The following PPP4R3A variants were observed in gnomAD, a reference collection of about 807,000 sequenced individuals.
PPP4R3A encodes the protein serine/threonine-protein phosphatase 4 regulatory subunit 3A.
PPP4R3A carries 15 observed loss-of-function variants against 91.7 expected under a neutral mutation model. That is an observed-to-expected ratio of 0.16 (90% confidence interval 0.11 to 0.25). PPP4R3A has a LOEUF of 0.25. PPP4R3A is among the 10% of genes least tolerant of loss of function. The pLI is 1.00. For missense variants in PPP4R3A, 623 were observed against 998.4 expected (o/e 0.62, Z 5.07); for synonymous variants, 377 against 348.7 (o/e 1.08, Z -0.91).
intron 1 of PPP4R3A, among the ~76,000 whole-genome samples, chr14:91,500,708 A>T (rs1171728976): frequency 6.6e-6 from 1 of 152,144 alleles, no homozygotes. Flanking sequence ...AACATTCCAT[A>T]AAAAAATTAC....
chr14:91,464,982 A>T (rs1159837240), intron 11 of PPP4R3A, among the ~76,000 whole-genome samples: 3 of 152,216 alleles, frequency 2.0e-5, no homozygotes, highest in African/African-American at 7.2e-5. Context: ...CCTGCTTGCC[A>T]GCAGCTTACC....
chr14:91,483,239 G>T (rs1595069289), intron 3 of PPP4R3A, among the ~76,000 whole-genome samples: 1 of 152,082 alleles, frequency 6.6e-6, no homozygotes, highest in Admixed American at 6.6e-5. Flanking sequence ...GTAAAGCAAT[G>T]AAAAAAATTA....
At chr14:91,507,527 T>TTATATATACTATATATTATATATAG (rs1566660826) in intron 1 of PPP4R3A, among the ~76,000 whole-genome samples, 6 of 132,060 alleles carry the variant, frequency 4.5e-5, no homozygotes, top group African/African-American at 1.8e-4. Flanking sequence ...TATACTATAG[T>TTATATATACTATATATTATATATAG]TATATATACT....
At chr14:91,499,394 T>C (rs796710712) in intron 1 of PPP4R3A, among the ~76,000 whole-genome samples, 14 of 152,282 alleles carry the variant, frequency 9.2e-5, no homozygotes, top group African/African-American at 3.4e-4. Context: ...TACAGTGGAA[T>C]ACTACACTAC....
chr14:91,461,655 A>T lies in PPP4R3A; in HGVS notation c.2165-48T>A, dbSNP rs766952424. 10 of 1,553,002 alleles carry T rather than the reference A, an allele frequency of 6.4e-6. No homozygotes were observed. The African/African-American group carries it at 1.2e-4, about 19-fold the overall frequency. On this transcript the variant is annotated intron_variant, in intron 13 of 14. Coordinates refer to ENST00000554943, the MANE Select transcript of PPP4R3A (RefSeq NM_001366432.2). Reference sequence around the variant, plus strand: ...TAGTCGTCCCCCATACTTCTTTTTTAAATTTCCCCAAATGAGGTAACACTA... The same window carrying T: ...TAGTCGTCCCCCATACTTCTTTTTTTAATTTCCCCAAATGAGGTAACACTA...
In PPP4R3A at chr14:91,482,045, G is replaced by A; in HGVS notation, c.446C>T (p.Ser149Leu). Residue 149 changes from serine to leucine, a missense_variant, in exon 4 of 15, where the codon TCA (serine) becomes TTA (leucine). Ser to Leu is a moderately radical substitution (Grantham distance 145). This residue lies in a region of PPP4R3A where 264 missense variants were observed against 377.3 expected (regional missense o/e 0.70). Transcript: ENST00000554943. ...RLEEIAELVA[S>L]SLPSPLRREK... ...ACGACGAAGAGGTGAAGGTAAAGAT[G>A]ATGCCACAAGTTCTGCAATTTCTTC... 1.2e-6 allele frequency: 2 copies of A among 1,614,026 alleles called. No individual in the cohort carries two copies. Among genetic ancestry groups the A allele is most frequent in the Non-Finnish European group, 1.7e-6 (2 of 1,180,024 alleles).
At chr14:91,501,426 A>T (rs1326826159) in intron 1 of PPP4R3A, among the ~76,000 whole-genome samples, 1 of 152,166 alleles carries the variant, frequency 6.6e-6, no homozygotes, top group African/African-American at 2.4e-5. Context: ...TCATTAGTAG[A>T]GAGAATGCAC....
At chr14:91,460,979 T>G (rs1398456748) in intron 14 of PPP4R3A, among the ~76,000 whole-genome samples, 2 of 152,340 alleles carry the variant, frequency 1.3e-5, no homozygotes, top group African/African-American at 4.8e-5. Context: ...TTAACAAACC[T>G]TAACTGGCAA....
intron 1 of PPP4R3A, among the ~76,000 whole-genome samples, chr14:91,506,897 G>A (rs1387161466): frequency 2.0e-5 from 3 of 152,100 alleles, no homozygotes; most frequent in South Asian, 2.1e-4. Context: ...AAATTTACAA[G>A]GGCACATCAG....
intron 1 of PPP4R3A, among the ~76,000 whole-genome samples, chr14:91,492,480 G>T (rs1328834840): frequency 6.6e-6 from 1 of 152,200 alleles, no homozygotes; most frequent in African/African-American, 2.4e-5. Flanking sequence ...GCTCAGAACA[G>T]TACCAAGTAA....
intron 1 of PPP4R3A, among the ~76,000 whole-genome samples, chr14:91,508,105 T>C (rs1410301886): frequency 4.6e-5 from 7 of 152,334 alleles, no homozygotes; most frequent in African/African-American, 1.7e-4. Flanking sequence ...GTGAGTCACA[T>C]ACAAAATTAC....
In PPP4R3A at chr14:91,458,877, GA is replaced by G; in HGVS notation, c.2392-9del. 1 of 1,596,072 alleles carries G rather than the reference GA, an allele frequency of 6.3e-7. No individual in the cohort carries two copies. ...CAGACCCACGAGGCCTCCCTGTTAA[GA>G]AATAAGGATTATTTAAAGAACAGAA... On this transcript the variant is annotated splice_polypyrimidine_tract_variant and intron_variant, in intron 14 of 14. Transcript: ENST00000554943.
In PPP4R3A at chr14:91,462,224, C is replaced by A; in HGVS notation, c.1989G>T (p.Leu663Phe). 6.3e-6 allele frequency: 10 copies of A among 1,589,074 alleles called. No individual in the cohort carries two copies. The highest frequency in any genetic ancestry group is 8.5e-6 in the Non-Finnish European group (10 of 1,171,880). ...NPKLDSMRSILRNHRYRRDAR... is the reference protein window; with the variant it reads ...NPKLDSMRSIFRNHRYRRDAR... Reference sequence around the variant, plus strand: ...CATCTCTTCGATATCTGTGATTCCTCAAAATGGAACGCATACTATGAGTAG... The same window carrying A: ...CATCTCTTCGATATCTGTGATTCCTAAAAATGGAACGCATACTATGAGTAG... The change falls in exon 13 of 15, where the codon TTG becomes TTT. Residue 663 changes from leucine (L) to phenylalanine (F), a missense_variant. Transcript: ENST00000554943.
intron 9 of PPP4R3A, among the ~76,000 whole-genome samples, chr14:91,471,987 C>G (rs1457575240): frequency 6.8e-6 from 1 of 146,398 alleles, no homozygotes; most frequent in Non-Finnish European, 1.5e-5. Flanking sequence ...ATTGCTCAAA[C>G]CTGGGAGGCA....
At chr14:91,473,500 A>C (rs906154286) in intron 7 of PPP4R3A, 130 bp from the exon 8 acceptor site, 1 of 953,668 alleles carries the variant, frequency 1.0e-6, no homozygotes, top group African/African-American at 1.7e-5. Flanking sequence ...GAAATGTTTA[A>C]CTCAGTTATC....
chr14:91,493,180 G>A (rs1876761821), intron 1 of PPP4R3A, among the ~76,000 whole-genome samples: 1 of 152,140 alleles, frequency 6.6e-6, no homozygotes, highest in Non-Finnish European at 1.5e-5. Flanking sequence ...CTTGAGGTCA[G>A]GAGTTTGAGA....
intron 10 of PPP4R3A, among the ~76,000 whole-genome samples, chr14:91,468,511 A>G (rs1888616670): frequency 6.6e-6 from 1 of 151,824 alleles, no homozygotes; most frequent in Admixed American, 6.6e-5. Flanking sequence ...CTCTACTAAA[A>G]TACAAAAATT....
chr14:91,473,350 G>A lies in PPP4R3A; in HGVS notation c.1287C>T (p.Leu429=). Residue 429 remains leucine (L), a synonymous_variant, in exon 8 of 15, where the codon CTC becomes CTT. Coordinates refer to ENST00000554943, the MANE Select transcript of PPP4R3A (RefSeq NM_001366432.2). ...ITSKDILLIN[L]IIEHMICDTD... Reference sequence around the variant, plus strand: ...TATCACAAATCATATGTTCTATAATGAGGTTGATGAGCAAAATATCCTGGA... The same window carrying A: ...TATCACAAATCATATGTTCTATAATAAGGTTGATGAGCAAAATATCCTGGA... The A allele has an allele frequency of 1.9e-6, 3 of 1,612,794 alleles. No individual in the cohort carries two copies. Among genetic ancestry groups the A allele is most frequent in the Middle Eastern group, 1.7e-4 (1 of 5,906 alleles).
intron 1 of PPP4R3A, among the ~76,000 whole-genome samples, chr14:91,498,619 T>C (rs1338735392): frequency 2.6e-5 from 4 of 152,026 alleles, no homozygotes; most frequent in African/African-American, 9.6e-5. Flanking sequence ...CACTTAAGCC[T>C]GGCTAATTTT....
Sources: gnomAD v4.1 joint callset for allele counts (sites outside exome capture counted in the v4.1 genomes callset) on GRCh38, gnomAD v4.1.1 for gene constraint, gnomAD v4.1.1 regional missense constraint, MANE v1.5 for transcripts, NCBI Gene and HGNC (gene_info 2026-07-23, HGNC 2026-07-21) for gene names.